The following TRDN variants were observed in gnomAD, a reference collection of about 807,000 sequenced individuals.
The protein encoded by TRDN is triadin.
In TRDN, 161 loss-of-function variants were observed where a neutral mutation model predicts 149.7. The observed-to-expected ratio is 1.08, with a 90% confidence interval of 0.95 to 1.23. The LOEUF (loss-of-function observed/expected upper bound fraction) is 1.23. Ranked by LOEUF, TRDN falls within the 50% of genes most tolerant of loss-of-function variation. The probability of loss-of-function intolerance (pLI) is 0.00; values close to 1 mark genes in which losing one functional copy is unlikely to be tolerated. For synonymous variants in TRDN, 294 were observed against 250.5 expected (o/e 1.17, Z -1.64); for missense variants, 896 against 823.5 (o/e 1.09, Z -1.08).
chr6:123,576,996 C>T (rs1185330818), intron 1 of TRDN, among the ~76,000 whole-genome samples: 1 of 151,946 alleles, frequency 6.6e-6, no homozygotes, highest in Non-Finnish European at 1.5e-5. Context: ...ATGCCAACTT[C>T]ATAAGGTAGG....
chr6:123,558,741 G>A (rs1781814034), intron 2 of TRDN, among the ~76,000 whole-genome samples: 2 of 152,116 alleles, frequency 1.3e-5, no homozygotes, highest in Non-Finnish European at 2.9e-5. Flanking sequence ...CACCTTCAAG[G>A]TGTACAATGA....
chr6:123,398,477 T>C (rs1772826259), intron 12 of TRDN, among the ~76,000 whole-genome samples: 1 of 152,196 alleles, frequency 6.6e-6, no homozygotes, highest in South Asian at 2.1e-4. Context: ...CATAAGATAG[T>C]GGAAACTAAT....
At chr6:123,357,233 A>C (rs915341603) in intron 20 of TRDN, among the ~76,000 whole-genome samples, 16 of 152,060 alleles carry the variant, frequency 1.1e-4, no homozygotes, top group African/African-American at 3.9e-4. Flanking sequence ...CATAGTAATT[A>C]ATTAATATAG....
At chr6:123,317,132 T>A (rs1038915356) in intron 23 of TRDN, among the ~76,000 whole-genome samples, 1 of 151,842 alleles carries the variant, frequency 6.6e-6, no homozygotes, top group Admixed American at 6.6e-5. Context: ...ATACCTTTTT[T>A]AAACTATTCA....
chr6:123,363,627 T>C lies in TRDN; in HGVS notation c.1321+2508A>G, dbSNP rs77368656. Among the ~76,000 whole-genome samples, 455 of 152,310 alleles carry C rather than the reference T, an allele frequency of 3.0e-3. 12 individuals are homozygous for C. In the East Asian group the frequency reaches 0.074, roughly 25 times the overall value. ...TAATTTATTTCCTTTCACTTCCCTC[T>C]AAGCCTGACAAGCAAGTCTACGTAA... is the stretch of plus-strand genomic sequence containing the variant. On this transcript the variant is annotated intron_variant, in intron 20 of 40. Transcript: ENST00000334268.
At chr6:123,519,688 C>A (rs1779582301) in intron 5 of TRDN, among the ~76,000 whole-genome samples, 1 of 151,018 alleles carries the variant, frequency 6.6e-6, no homozygotes, top group South Asian at 2.1e-4. Flanking sequence ...ACATACTTGA[C>A]TTTAGACTAC....
intron 23 of TRDN, among the ~76,000 whole-genome samples, chr6:123,331,424 G>T (rs1406414919): frequency 6.6e-6 from 1 of 152,070 alleles, no homozygotes; most frequent in Non-Finnish European, 1.5e-5. Flanking sequence ...AAGACAAGAG[G>T]ATTGGACTAC....
At chr6:123,294,185 G>A (rs1018283527) in intron 24 of TRDN, among the ~76,000 whole-genome samples, 13 of 152,096 alleles carry the variant, frequency 8.5e-5, no homozygotes, top group East Asian at 1.9e-4. Context: ...ATTAACAACC[G>A]TGGACAAGTT....
chr6:123,313,251 T>C (rs1462849385), intron 24 of TRDN, among the ~76,000 whole-genome samples: 1 of 151,972 alleles, frequency 6.6e-6, no homozygotes, highest in Non-Finnish European at 1.5e-5. Context: ...TTAGTGAAGA[T>C]CAATTTTATC....
rs1775008215 is a variant in TRDN, at chr6:123,217,789, A to C, written c.*812T>G. 6.6e-6 allele frequency: 1 copy of C among 152,048 alleles called. No individual in the cohort carries two copies. The highest frequency in any genetic ancestry group is 1.5e-5 in the Non-Finnish European group (1 of 67,958). The allele number at this position is 152,048 out of a possible 1,614,324, so 9.4% of individuals were successfully genotyped here. A position where few individuals can be genotyped will look rare whatever the true frequency, so the allele number is the denominator to read the frequency against. ...AATTTAGTGATTGATCTAAAATTTCACCCAGGTGACATTTTTATTAAGACA... is the reference window on the plus strand; with the variant it reads ...AATTTAGTGATTGATCTAAAATTTCCCCCAGGTGACATTTTTATTAAGACA... On this transcript the variant is annotated 3_prime_UTR_variant, in exon 41 of 41. Coordinates refer to ENST00000334268, the MANE Select transcript of TRDN (RefSeq NM_006073.4).
intron 12 of TRDN, among the ~76,000 whole-genome samples, chr6:123,409,923 C>T (rs1004976458): frequency 1.3e-5 from 2 of 152,016 alleles, no homozygotes; most frequent in Non-Finnish European, 1.5e-5. Context: ...ACAAAGAAGG[C>T]TCTGAAATAA....
intron 1 of TRDN, among the ~76,000 whole-genome samples, chr6:123,629,779 A>G (rs1014785348): frequency 6.6e-6 from 1 of 152,020 alleles, no homozygotes; most frequent in African/African-American, 2.4e-5. Context: ...AGGCATGGAG[A>G]TGTGGAGATG....
chr6:123,425,294 G>T (rs1414091041), intron 12 of TRDN, among the ~76,000 whole-genome samples: 7 of 146,334 alleles, frequency 4.8e-5, no homozygotes, highest in Non-Finnish European at 1.1e-4. Flanking sequence ...TAGATGAGGG[G>T]TGTTGTTGTT....
chr6:123,407,391 C>A (rs1166866460), intron 12 of TRDN, among the ~76,000 whole-genome samples: 3 of 152,174 alleles, frequency 2.0e-5, no homozygotes, highest in Non-Finnish European at 4.4e-5. Flanking sequence ...TTTTTACCCT[C>A]CAAAGTAAAT....
intron 15 of TRDN, among the ~76,000 whole-genome samples, chr6:123,381,802 C>T (rs893122373): frequency 6.6e-6 from 1 of 151,984 alleles, no homozygotes; most frequent in Non-Finnish European, 1.5e-5. Context: ...TTAGTGTGTG[C>T]TTTCTAGTAA....
At chr6:123,255,787 T>C in intron 36 of TRDN, 80 bp downstream of exon 36, 1 of 996,986 alleles carries the variant, frequency 1.0e-6, no homozygotes, top group Non-Finnish European at 1.4e-6. Flanking sequence ...TTTTTTTTCA[T>C]ATGATATAAA....
At chr6:123,454,111 G>C (rs1286677404) in intron 10 of TRDN, among the ~76,000 whole-genome samples, 1 of 152,002 alleles carries the variant, frequency 6.6e-6, no homozygotes, top group South Asian at 2.1e-4. Context: ...ATGATACAAT[G>C]AACTTTGCGG....
At chr6:123,384,281 T>C (rs1562288092) in intron 14 of TRDN, among the ~76,000 whole-genome samples, 2 of 152,306 alleles carry the variant, frequency 1.3e-5, no homozygotes, top group Non-Finnish European at 2.9e-5. Flanking sequence ...GATAGTTCAA[T>C]GTCCGTTTTA....
chr6:123,222,734 G>A (rs988960778), intron 39 of TRDN, among the ~76,000 whole-genome samples: 2 of 151,366 alleles, frequency 1.3e-5, no homozygotes, highest in Admixed American at 6.6e-5. Context: ...TTTTTTATAT[G>A]CAAACTGTGT....
Sources: allele counts gnomAD v4.1 joint callset (sites outside exome capture counted in the v4.1 genomes callset), GRCh38; gene constraint gnomAD v4.1.1; transcripts MANE v1.5; gene names NCBI Gene and HGNC (gene_info 2026-07-23, HGNC 2026-07-21).